Variants in CTNNA3 observed in about 807,000 individuals in gnomAD.
CTNNA3 encodes the protein catenin alpha-3.
In CTNNA3, 76 loss-of-function variants were observed where a neutral mutation model predicts 95.7. The observed-to-expected ratio is 0.79, with a 90% confidence interval of 0.66 to 0.96. The LOEUF (loss-of-function observed/expected upper bound fraction) is 0.96, where lower values mean the gene tolerates loss of function less well. CTNNA3 is among the 40% of genes least tolerant of loss of function. The pLI is 0.00. For missense variants in CTNNA3, 1,191 were observed against 1,089.8 expected (o/e 1.09, Z -1.31); for synonymous variants, 431 against 374.4 (o/e 1.15, Z -1.74).
chr10:66,887,762 T>C (rs1461715295), intron 7 of CTNNA3, among the ~76,000 whole-genome samples: 1 of 152,172 alleles, frequency 6.6e-6, no homozygotes, highest in Non-Finnish European at 1.5e-5. Context: ...CTAAGTCAGC[T>C]GTCATGCACA....
At chr10:66,310,703 T>TTA (rs1305824962) in intron 12 of CTNNA3, among the ~76,000 whole-genome samples, 2 of 151,606 alleles carry the variant, frequency 1.3e-5, no homozygotes, top group African/African-American at 4.8e-5. Context: ...TTTTTTTTTT[T>TTA]TTAGGCGGAG....
chr10:65,936,528 A>C (rs1170688075), intron 17 of CTNNA3, among the ~76,000 whole-genome samples: 1 of 152,076 alleles, frequency 6.6e-6, no homozygotes, highest in African/African-American at 2.4e-5. Flanking sequence ...TCATACGCTG[A>C]AGAATTCCAC....
chr10:66,085,426 C>G (rs1589359560), intron 14 of CTNNA3, among the ~76,000 whole-genome samples: 2 of 152,074 alleles, frequency 1.3e-5, no homozygotes, highest in Admixed American at 1.3e-4. Context: ...AAGTACAATT[C>G]ACATGCAACT....
chr10:66,935,718 G>A (rs1471123753), intron 7 of CTNNA3, among the ~76,000 whole-genome samples: 2 of 151,000 alleles, frequency 1.3e-5, no homozygotes, highest in African/African-American at 4.9e-5. Context: ...TTATGTACCA[G>A]GAATTTGTAT....
At chr10:67,051,330 T>C (rs927667635) in intron 7 of CTNNA3, among the ~76,000 whole-genome samples, 1 of 152,146 alleles carries the variant, frequency 6.6e-6, no homozygotes, top group Admixed American at 6.5e-5. Flanking sequence ...CTATGTCTTA[T>C]CTATGGAAAG....
chr10:66,975,378 A>G (rs1045556780), intron 7 of CTNNA3, among the ~76,000 whole-genome samples: 3 of 152,230 alleles, frequency 2.0e-5, no homozygotes, highest in Admixed American at 6.5e-5. Flanking sequence ...GTAAGGATGT[A>G]CTTGACTTAG....
intron 10 of CTNNA3, among the ~76,000 whole-genome samples, chr10:66,618,677 A>C (rs1206446158): frequency 6.6e-6 from 1 of 152,302 alleles, no homozygotes; most frequent in Non-Finnish European, 1.5e-5. Context: ...AAAACACCTA[A>C]AGCAATGGCA....
intron 7 of CTNNA3, among the ~76,000 whole-genome samples, chr10:67,111,260 C>T (rs1187533379): frequency 6.6e-6 from 1 of 152,112 alleles, no homozygotes; most frequent in East Asian, 1.9e-4. Flanking sequence ...AATTATACAA[C>T]ATTATAGAGT....
chr10:66,944,117 T>C (rs1321403326), intron 7 of CTNNA3, among the ~76,000 whole-genome samples: 2 of 152,222 alleles, frequency 1.3e-5, no homozygotes, highest in East Asian at 1.9e-4. Context: ...ATGGTGTTGA[T>C]TGATAGCATT....
intron 5 of CTNNA3, among the ~76,000 whole-genome samples, chr10:67,311,593 T>C (rs1840802638): frequency 6.6e-6 from 1 of 152,182 alleles, no homozygotes; most frequent in African/African-American, 2.4e-5. Context: ...CAATCAACCA[T>C]TAAAATGGGT....
chr10:66,730,105 G>GGAA (rs1554842374), intron 9 of CTNNA3, among the ~76,000 whole-genome samples: 1 of 134,214 alleles, frequency 7.5e-6, no homozygotes, highest in Non-Finnish European at 1.6e-5. Flanking sequence ...TACTCTGTCT[G>GGAA]AAAAAAAAAA....
At chr10:66,932,747 T>C (rs1158122525) in intron 7 of CTNNA3, among the ~76,000 whole-genome samples, 3 of 152,190 alleles carry the variant, frequency 2.0e-5, no homozygotes, top group Admixed American at 2.0e-4. Flanking sequence ...TTCCTAATCA[T>C]AATAGCCTAC....
chr10:65,972,897 T>C (rs1478689508), intron 16 of CTNNA3, among the ~76,000 whole-genome samples: 1 of 47,686 alleles, frequency 2.1e-5, no homozygotes, highest in Non-Finnish European at 4.2e-5. Context: ...CAAGCAATCC[T>C]AAGGGGGAAA....
intron 5 of CTNNA3, among the ~76,000 whole-genome samples, chr10:67,305,580 C>T (rs1840520471): frequency 6.6e-6 from 1 of 151,400 alleles, no homozygotes. Context: ...TTTAAAAGGT[C>T]ACAATGTGAA....
At chr10:66,625,661 T>C (rs747797080) in intron 9 of CTNNA3, among the ~76,000 whole-genome samples, 71 of 152,190 alleles carry the variant, frequency 4.7e-4, no homozygotes, top group Non-Finnish European at 8.5e-4. Context: ...AGTGCTAGGA[T>C]TACAGCCATG....
At chr10:67,175,931 G>C (rs1050577064) in intron 7 of CTNNA3, among the ~76,000 whole-genome samples, 1 of 151,936 alleles carries the variant, frequency 6.6e-6, no homozygotes, top group Non-Finnish European at 1.5e-5. Flanking sequence ...TCGTTGCTCT[G>C]CCCCATTTAT....
At chr10:67,054,056 A>G (rs1855277900) in intron 7 of CTNNA3, among the ~76,000 whole-genome samples, 1 of 152,168 alleles carries the variant, frequency 6.6e-6, no homozygotes, top group African/African-American at 2.4e-5. Flanking sequence ...ATCTTTGCAG[A>G]TTACAGACAC....
intron 1 of CTNNA3, among the ~76,000 whole-genome samples, chr10:67,664,937 C>T (rs563688679): frequency 6.6e-6 from 1 of 152,266 alleles, no homozygotes; most frequent in East Asian, 1.9e-4. Context: ...AATCCATGCA[C>T]AATTTAAGTT....
intron 12 of CTNNA3, among the ~76,000 whole-genome samples, chr10:66,286,447 A>G (rs146972698): frequency 6.6e-6 from 1 of 152,108 alleles, no homozygotes; most frequent in East Asian, 1.9e-4. Flanking sequence ...TCACCATCCT[A>G]TTGCTCAAGA....
Sources: gnomAD v4.1 joint callset for allele counts (sites outside exome capture counted in the v4.1 genomes callset) on GRCh38, gnomAD v4.1.1 for gene constraint, MANE v1.5 for transcripts, NCBI Gene and HGNC (gene_info 2026-07-23, HGNC 2026-07-21) for gene names.